EFEMP1: variants seen among roughly 807,000 people sequenced by gnomAD.
EFEMP1 encodes the protein EGF-like fibulin extracellular matrix protein 1.
In EFEMP1, 18 loss-of-function variants were observed where a neutral mutation model predicts 65.7. The ratio of observed to expected loss-of-function variants is 0.27; its 90% confidence interval spans 0.19 to 0.41. The LOEUF is 0.41. Ranked by LOEUF, EFEMP1 falls within the 10% of genes least tolerant of loss-of-function variation. The pLI, the probability that EFEMP1 is intolerant of heterozygous loss-of-function variation, is 1.00. For synonymous variants in EFEMP1, 237 were observed against 219.7 expected (o/e 1.08, Z -0.70); for missense variants, 469 against 624.8 (o/e 0.75, Z 2.66).
Position 55,867,218 on chromosome 2 carries a change from C to T in EFEMP1, c.1337G>A (p.Ser446Asn). The T allele has an allele frequency of 1.9e-6, 3 of 1,613,858 alleles. No homozygotes were observed. Among genetic ancestry groups the T allele is most frequent in the Non-Finnish European group, 2.5e-6 (3 of 1,179,890 alleles). Residue 446 changes from serine (S) to asparagine (N), a missense_variant, in exon 12 of 12, where the codon AGT (serine) becomes AAT (asparagine). Around this residue, in one of 3 missense-constraint regions of EFEMP1, gnomAD observed 399 missense variants for 528.2 expected, o/e 0.76. Coordinates refer to ENST00000355426, the MANE Select transcript of EFEMP1 (RefSeq NM_001039348.3). This position sits in a 1 kb window ranked among gnomAD's most constrained non-coding sequence, Gnocchi z 4.3. ...EFYLRQTSPV[S>N]AMLVLVKSLS... ...TGACTTCACGAGCACAAGCATTGCACTTACAGGACTTGTTTGCTAAAATAA... is the reference window on the plus strand; with the variant it reads ...TGACTTCACGAGCACAAGCATTGCATTTACAGGACTTGTTTGCTAAAATAA...
At chr2:55,902,579 T>A (rs549193351) in intron 5 of EFEMP1, among the ~76,000 whole-genome samples, 1 of 152,336 alleles carries the variant, frequency 6.6e-6, no homozygotes, top group African/African-American at 2.4e-5. Context: ...AATACCGTAA[T>A]TACCCATGTC....
Position 55,922,739 on chromosome 2 carries a change from C to T in EFEMP1, c.-8+160G>A, listed in dbSNP as rs114078452. 9.7e-4 allele frequency: 476 copies of T among 492,016 alleles called. 5 individuals carry two copies. Among genetic ancestry groups the T allele is most frequent in the African/African-American group, 8.9e-3 (444 of 49,768 alleles). The allele number at this position is 492,016 out of a possible 1,614,324, so 30.5% of individuals were successfully genotyped here. On this transcript the variant is annotated intron_variant, in intron 2 of 11. Transcript: ENST00000355426. This position sits in a 1 kb window ranked among gnomAD's most constrained non-coding sequence, Gnocchi z 5.5. ...CAGCGTGCATTTTATACTGCACCTA[C>T]AAAGCAGGCTGCAGAAAGAGGGGGT...
chr2:55,897,439 C>T (rs1270458730), intron 5 of EFEMP1, among the ~76,000 whole-genome samples: 1 of 152,096 alleles, frequency 6.6e-6, no homozygotes, highest in East Asian at 1.9e-4. Flanking sequence ...CCAGCAGACC[C>T]CCACCATTGA....
intron 5 of EFEMP1, among the ~76,000 whole-genome samples, chr2:55,915,332 T>C (rs539649040): frequency 6.6e-6 from 1 of 152,340 alleles, no homozygotes; most frequent in South Asian, 2.1e-4. Context: ...AGGCACTTAA[T>C]AGTCTGCTTA....
rs561452128 is a variant in EFEMP1 at position 55,917,584 on chromosome 2, C to T, written c.517+81G>A. On this transcript the variant is annotated intron_variant, in intron 5 of 11. Transcript: ENST00000355426. This position sits in a 1 kb window ranked among gnomAD's most constrained non-coding sequence, Gnocchi z 6.3. ...CATGATGTCTGGCACGCGAGAAGTC[C>T]TTAATAAATTATCATCATCCTCACC... 6.3e-7 allele frequency: 1 copy of T among 1,584,096 alleles called. No individual in the cohort carries two copies. The highest frequency in any genetic ancestry group is 8.7e-7 in the Non-Finnish European group (1 of 1,153,264).
intron 3 of EFEMP1, among the ~76,000 whole-genome samples, chr2:55,920,678 G>A (rs1288965024): frequency 6.6e-6 from 1 of 152,194 alleles, no homozygotes; most frequent in African/African-American, 2.4e-5. Context: ...TATTAAGTAA[G>A]CCTAGACTGA....
chr2:55,879,924 G>A (rs772442177), intron 6 of EFEMP1, among the ~76,000 whole-genome samples: 5 of 152,184 alleles, frequency 3.3e-5, no homozygotes, highest in South Asian at 4.1e-4. Context: ...TACTGGCACA[G>A]GGGAGGAGCA....
At chr2:55,898,106 T>G (rs770475624) in intron 5 of EFEMP1, among the ~76,000 whole-genome samples, 39 of 152,200 alleles carry the variant, frequency 2.6e-4, no homozygotes, top group Non-Finnish European at 5.3e-4. Flanking sequence ...ACGAACATTT[T>G]ACAGTTTAAT....
Position 55,866,757 on chromosome 2 carries a change from C to A in EFEMP1, c.*316G>T. ...GAGCTCTAGTAAGTTTCCTTAAGCA[C>A]CACAGAAGATCATCATTGCTTGGTC... On this transcript the variant is annotated 3_prime_UTR_variant, in exon 12 of 12. Coordinates refer to ENST00000355426, the MANE Select transcript of EFEMP1 (RefSeq NM_001039348.3). 3.1e-6 allele frequency: 1 copy of A among 319,418 alleles called. No individual in the cohort carries two copies. Among genetic ancestry groups the A allele is most frequent in the Non-Finnish European group, 5.9e-6 (1 of 168,340 alleles). The allele number at this position is 319,418 out of a possible 1,614,324, so 19.8% of individuals were successfully genotyped here. A position where few individuals can be genotyped will look rare whatever the true frequency, so the allele number is the denominator to read the frequency against.
intron 5 of EFEMP1, among the ~76,000 whole-genome samples, chr2:55,908,932 G>A (rs1256581528): frequency 6.6e-6 from 1 of 152,070 alleles, no homozygotes; most frequent in African/African-American, 2.4e-5. Context: ...TCTTCCTCTA[G>A]GAATAACACC....
At position 55,885,514 on chromosome 2, in the gene EFEMP1, C is replaced by T. The variant is rs1669392383; in HGVS notation, c.518-3780G>A. Among the ~76,000 whole-genome samples the T allele has an allele frequency of 6.6e-6, 1 of 152,180 alleles. No individual in the cohort carries two copies. The highest frequency in any genetic ancestry group is 2.1e-4 in the South Asian group (1 of 4,820). Reference sequence around the variant, plus strand: ...CCAAAGAACAAAATAATAGATTGTGCTTCCTAAAATACCATAACACATTTC... The same window carrying T: ...CCAAAGAACAAAATAATAGATTGTGTTTCCTAAAATACCATAACACATTTC... On this transcript the variant is annotated intron_variant, in intron 5 of 11. Coordinates refer to ENST00000355426, the MANE Select transcript of EFEMP1 (RefSeq NM_001039348.3). The surrounding 1 kb of genome is among the most constrained non-coding windows in gnomAD (Gnocchi z 4.3).
intron 5 of EFEMP1, among the ~76,000 whole-genome samples, chr2:55,902,084 C>T (rs918842655): frequency 6.6e-6 from 1 of 152,146 alleles, no homozygotes; most frequent in African/African-American, 2.4e-5. Context: ...AGTCAGAGGA[C>T]CCAGCTAAGC....
At chr2:55,900,931 A>G (rs1202015514) in intron 5 of EFEMP1, among the ~76,000 whole-genome samples, 2 of 152,236 alleles carry the variant, frequency 1.3e-5, no homozygotes, top group Admixed American at 6.5e-5. Context: ...TGGGACCCCA[A>G]GAAAATTCAT....
chr2:55,913,831 GA>G (rs201433676), intron 5 of EFEMP1, among the ~76,000 whole-genome samples: 3,049 of 152,094 alleles, frequency 0.02, 56 homozygotes, highest in South Asian at 0.071. Context: ...CCAACATGGT[GA>G]AACCCCATCT....
intron 5 of EFEMP1, among the ~76,000 whole-genome samples, chr2:55,888,626 C>T (rs1289671500): frequency 6.6e-6 from 1 of 152,070 alleles, no homozygotes; most frequent in Non-Finnish European, 1.5e-5. Flanking sequence ...CCTTCTTAAA[C>T]TTAATTATTA....
chr2:55,897,321 A>G (rs529323766), intron 5 of EFEMP1, among the ~76,000 whole-genome samples: 2 of 152,298 alleles, frequency 1.3e-5, no homozygotes, highest in East Asian at 1.9e-4. Flanking sequence ...GTTTTGTGCT[A>G]TCTCCCCAGC....
Position 55,874,878 on chromosome 2 carries a change from A to T in EFEMP1, c.1000+68T>A, listed in dbSNP as rs562199766. 3.9e-6 allele frequency: 6 copies of T among 1,528,774 alleles called. 1 individual carries two copies. Among genetic ancestry groups the T allele is most frequent in the Non-Finnish European group, 5.3e-6 (6 of 1,122,052 alleles). 94.7% of individuals were successfully genotyped at this position (1,528,774 alleles called of 1,614,324 possible). A position where few individuals can be genotyped will look rare whatever the true frequency, so the allele number is the denominator to read the frequency against. ...AAATGAAAGTCTATAGGAGAATCCTATAACTTCCTCTTGTCTCTTCCTGGC... is the reference window on the plus strand; with the variant it reads ...AAATGAAAGTCTATAGGAGAATCCTTTAACTTCCTCTTGTCTCTTCCTGGC... On this transcript the variant is annotated intron_variant, in intron 9 of 11. Transcript: ENST00000355426.
rs867059251 is a variant in EFEMP1 at position 55,917,003 on chromosome 2, A to G, written c.517+662T>C. 6.6e-6 allele frequency among the ~76,000 whole-genome samples: 1 copy of G among 152,244 alleles called. No homozygotes were observed. Among genetic ancestry groups the G allele is most frequent in the African/African-American group, 2.4e-5 (1 of 41,456 alleles). On this transcript the variant is annotated intron_variant, in intron 5 of 11. Coordinates refer to ENST00000355426, the MANE Select transcript of EFEMP1 (RefSeq NM_001039348.3). This position sits in a 1 kb window ranked among gnomAD's most constrained non-coding sequence, Gnocchi z 6.3. ...GATATAAGTGAAACGTCGTCAAATG[A>G]GAGCTTAAAAGAGATATAAACGTGA...
chr2:55,868,339 C>G (rs1336967207), intron 11 of EFEMP1, among the ~76,000 whole-genome samples: 1 of 152,008 alleles, frequency 6.6e-6, no homozygotes, highest in Non-Finnish European at 1.5e-5. Flanking sequence ...GGTGTAGTCT[C>G]TGCTCTCATT....
Sources: gnomAD v4.1 joint callset for allele counts (sites outside exome capture counted in the v4.1 genomes callset) on GRCh38, gnomAD v4.1.1 for gene constraint, gnomAD v4.1.1 regional missense constraint, Gnocchi (gnomAD v3.1) non-coding constraint, MANE v1.5 for transcripts, NCBI Gene and HGNC (gene_info 2026-07-23, HGNC 2026-07-21) for gene names.